DIP2C: variants seen among roughly 807,000 people sequenced by gnomAD.
DIP2C encodes the protein DIP2 acetate--CoA ligase C (putative).
A neutral mutation model predicts 192.4 loss-of-function variants in DIP2C; 33 were observed. The observed-to-expected ratio is 0.17, with a 90% confidence interval of 0.13 to 0.23. The LOEUF is 0.23. Among genes scored for constraint, DIP2C ranks in the 10% least tolerant of loss-of-function variants. The probability of loss-of-function intolerance (pLI) is 1.00; values close to 1 mark genes in which losing one functional copy is unlikely to be tolerated. For missense variants in DIP2C, 1,537 were observed against 2,110.1 expected, an observed-to-expected ratio of 0.73 and a Z score of 5.32; for synonymous variants, 979 against 864.1, an observed-to-expected ratio of 1.13 and a Z score of -2.33.
At chr10:673,613 C>G (rs569656359) in intron 1 of DIP2C, among the ~76,000 whole-genome samples, 151 of 152,300 alleles carry the variant, frequency 9.9e-4, no homozygotes, top group Middle Eastern at 3.4e-3. Context: ...CCAAGAATGG[C>G]TCCCTGCCAT....
chr10:586,770 TCA>T (rs555116235), intron 1 of DIP2C, among the ~76,000 whole-genome samples: 84 of 152,366 alleles, frequency 5.5e-4, no homozygotes, highest in Middle Eastern at 3.4e-3. Context: ...GTTCTGGATC[TCA>T]GATAGATAAT....
intron 1 of DIP2C, among the ~76,000 whole-genome samples, chr10:617,151 G>A (rs1032490004): frequency 6.6e-6 from 1 of 151,186 alleles, no homozygotes; most frequent in Admixed American, 6.6e-5. Context: ...TGTGCCTCCC[G>A]CCTGACTTAT....
chr10:498,290 A>G (rs921029726), intron 1 of DIP2C, among the ~76,000 whole-genome samples: 1 of 152,158 alleles, frequency 6.6e-6, no homozygotes, highest in Non-Finnish European at 1.5e-5. Context: ...AAGGGTGGGG[A>G]AGCAGATGAC....
At chr10:369,436 T>C (rs1264684408) in intron 18 of DIP2C, 58 bp downstream of exon 18, 3 of 1,471,170 alleles carry the variant, frequency 2.0e-6, no homozygotes, top group African/African-American at 1.4e-5. Flanking sequence ...TTTGGTGACA[T>C]GTGTTAGAAA....
chr10:665,340 T>C (rs1309726173), intron 1 of DIP2C: 1 of 152,148 alleles, frequency 6.6e-6, no homozygotes, highest in Non-Finnish European at 1.5e-5. Context: ...TAGGACATTG[T>C]TCTAGGTGGT....
chr10:397,908 C>T (rs1280464613), intron 10 of DIP2C, among the ~76,000 whole-genome samples: 1 of 152,138 alleles, frequency 6.6e-6, no homozygotes, highest in African/African-American at 2.4e-5. Context: ...CGGACATGCC[C>T]CCCTTACTCC....
intron 34 of DIP2C, among the ~76,000 whole-genome samples, chr10:284,217 AG>A (rs1248197707): frequency 2.6e-5 from 4 of 152,180 alleles, no homozygotes; most frequent in African/African-American, 4.8e-5. Flanking sequence ...GTCAAGTTCC[AG>A]GAAGTCAGAA....
intron 6 of DIP2C, among the ~76,000 whole-genome samples, 189 bp downstream of exon 6, chr10:418,876 C>A (rs1589751404): frequency 6.6e-6 from 1 of 152,228 alleles, no homozygotes; most frequent in Non-Finnish European, 1.5e-5. Context: ...TAACTGTGGG[C>A]TCACTTGGAG....
At chr10:601,161 C>T (rs902279238) in intron 1 of DIP2C, among the ~76,000 whole-genome samples, 7 of 152,150 alleles carry the variant, frequency 4.6e-5, no homozygotes, top group Non-Finnish European at 7.3e-5. Context: ...CCTGCTGCAC[C>T]CAACTGTAGA....
chr10:357,597 G>C (rs1474840641), intron 23 of DIP2C, among the ~76,000 whole-genome samples: 3 of 152,198 alleles, frequency 2.0e-5, no homozygotes, highest in African/African-American at 2.4e-5. Context: ...TGCAGGAGAG[G>C]ACAGGTAGAA....
intron 23 of DIP2C, among the ~76,000 whole-genome samples, chr10:357,591 GGA>G (rs1435069721): frequency 3.3e-5 from 5 of 152,234 alleles, no homozygotes; most frequent in African/African-American, 1.2e-4. Flanking sequence ...GTCTCTTGCA[GGA>G]GAGGACAGGT....
chr10:331,601 G>A (rs1957511724), intron 29 of DIP2C, among the ~76,000 whole-genome samples: 2 of 152,222 alleles, frequency 1.3e-5, no homozygotes, highest in South Asian at 2.1e-4. Flanking sequence ...AAGTAATCCA[G>A]AAATTATTTA....
intron 17 of DIP2C, among the ~76,000 whole-genome samples, chr10:371,459 C>A (rs1960945003): frequency 6.6e-6 from 1 of 152,210 alleles, no homozygotes; most frequent in South Asian, 2.1e-4. Flanking sequence ...TGAGGTCATA[C>A]TGGGTTAGAA....
chr10:277,552 A>C lies in DIP2C; in HGVS notation c.4444T>G (p.Leu1482Val), dbSNP rs1178284118. Residue 1482 changes from leucine to valine, a missense_variant, in exon 37 of 37, where the codon TTG becomes GTG. Coordinates refer to ENST00000280886, the MANE Select transcript of DIP2C (RefSeq NM_014974.3). The part of the protein sequence containing the change: ...ECAVFTWTNL[L>V]VVVVELDGSE... ...CCATCCAGCTCAACCACAACCACCA[A>C]CAAATTTGTCCAGGTAAACACAGCA... is the stretch of plus-strand genomic sequence containing the variant. The C allele has an allele frequency of 7.4e-6, 12 of 1,613,974 alleles. No homozygotes were observed. Among genetic ancestry groups the C allele is most frequent in the Non-Finnish European group, 9.3e-6 (11 of 1,180,042 alleles).
At chr10:662,346 G>A (rs1016775041) in intron 1 of DIP2C, among the ~76,000 whole-genome samples, 6 of 152,304 alleles carry the variant, frequency 3.9e-5, no homozygotes, top group African/African-American at 7.2e-5. Flanking sequence ...CAGATAACGC[G>A]GACAAAGTGA....
In DIP2C at chr10:471,305, G is replaced by T. The variant is rs1223199285; in HGVS notation, c.268+1134C>A. Among the ~76,000 whole-genome samples, 3 of 152,126 alleles carry T rather than the reference G, an allele frequency of 2.0e-5. No homozygotes were observed. The East Asian group carries it at 5.8e-4, about 29-fold the overall frequency. On this transcript the variant is annotated intron_variant, in intron 3 of 36. Coordinates refer to ENST00000280886, the MANE Select transcript of DIP2C (RefSeq NM_014974.3). ...CCAGAAAGAGGAGCAGAGCCAGGAG[G>T]CCAGGCAGACGGCAACTGAGGATGC...
intron 3 of DIP2C, among the ~76,000 whole-genome samples, chr10:471,192 C>G (rs1320632330): frequency 6.6e-6 from 1 of 152,136 alleles, no homozygotes; most frequent in African/African-American, 2.4e-5. Context: ...CAGGGGCGCC[C>G]AGGAGGTGGC....
chr10:566,170 G>C (rs1225329246), intron 1 of DIP2C, among the ~76,000 whole-genome samples: 1 of 152,192 alleles, frequency 6.6e-6, no homozygotes, highest in South Asian at 2.1e-4. Context: ...AGTGTCTGAA[G>C]AAACAATTTT....
At chr10:407,932 T>C (rs1348992992) in intron 9 of DIP2C, among the ~76,000 whole-genome samples, 1 of 152,224 alleles carries the variant, frequency 6.6e-6, no homozygotes, top group Non-Finnish European at 1.5e-5. Flanking sequence ...AATGTAAATG[T>C]CCAATTTATT....
Sources: allele counts gnomAD v4.1 joint callset (sites outside exome capture counted in the v4.1 genomes callset), GRCh38; gene constraint gnomAD v4.1.1; transcripts MANE v1.5; gene names NCBI Gene and HGNC (gene_info 2026-07-23, HGNC 2026-07-21).